PPARGC1A: variants seen among roughly 807,000 people sequenced by gnomAD.
PPARGC1A encodes the protein PPARG coactivator 1 alpha.
PPARGC1A carries 25 observed loss-of-function variants against 88.7 expected under a neutral mutation model. That is an observed-to-expected ratio of 0.28 (90% CI 0.21 to 0.39). The LOEUF is 0.39. Among genes scored for constraint, PPARGC1A ranks in the 10% least tolerant of loss-of-function variants. PPARGC1A has a pLI of 1.00. For missense variants in PPARGC1A, 880 were observed against 968.7 expected (o/e 0.91, Z 1.22); for synonymous variants, 363 against 355.6 (o/e 1.02, Z -0.24).
the PPARGC1A span, among the ~76,000 whole-genome samples, chr4:24,397,744 G>C: frequency 1.3e-5 from 2 of 152,204 alleles, no homozygotes; most frequent in African/African-American, 4.8e-5. Context: ...ACAGTAATTT[G>C]AAGTTTTACT....
intron 2 of PPARGC1A, among the ~76,000 whole-genome samples, chr4:23,868,419 G>A (rs2148751385): frequency 6.6e-6 from 1 of 152,244 alleles, no homozygotes; most frequent in East Asian, 1.9e-4. Context: ...TGAATGGCTG[G>A]GAAGGTCATG....
the PPARGC1A span, among the ~76,000 whole-genome samples, chr4:24,346,672 C>T: frequency 1.1e-4 from 17 of 151,950 alleles, no homozygotes; most frequent in Non-Finnish European, 2.2e-4. Flanking sequence ...TCTTCTTTTC[C>T]TGGTTAATCT....
At chr4:24,267,132 C>T in the PPARGC1A span, among the ~76,000 whole-genome samples, 11 of 152,198 alleles carry the variant, frequency 7.2e-5, no homozygotes, top group Admixed American at 3.9e-4. Flanking sequence ...GGATTATTCA[C>T]ATGCCATTTG....
At chr4:24,087,529 T>C in the PPARGC1A span, among the ~76,000 whole-genome samples, 211 of 152,296 alleles carry the variant, frequency 1.4e-3, no homozygotes, top group Non-Finnish European at 2.2e-3. Context: ...ATATCTTCAA[T>C]CTAACAACTG....
At chr4:24,289,419 TC>T in the PPARGC1A span, among the ~76,000 whole-genome samples, 1,673 of 152,248 alleles carry the variant, frequency 0.011, 36 homozygotes, top group African/African-American at 0.038. Context: ...TGGCCATCAA[TC>T]CTGCCTCCTC....
At chr4:24,039,131 T>C in the PPARGC1A span, among the ~76,000 whole-genome samples, 25 of 152,188 alleles carry the variant, frequency 1.6e-4, no homozygotes, top group African/African-American at 6.0e-4. Context: ...GTTCCCTCTA[T>C]AACTGTGAAT....
At chr4:24,314,809 A>G in the PPARGC1A span, among the ~76,000 whole-genome samples, 1 of 152,176 alleles carries the variant, frequency 6.6e-6, no homozygotes, top group African/African-American at 2.4e-5. Context: ...ACCAAGAGCT[A>G]TAATTAACTC....
At chr4:23,805,002 TA>T (rs1173450174) in intron 10 of PPARGC1A, among the ~76,000 whole-genome samples, 2 of 152,184 alleles carry the variant, frequency 1.3e-5, no homozygotes, top group African/African-American at 2.4e-5. Context: ...TTCATGACAG[TA>T]GAGACCATAT....
the PPARGC1A span, among the ~76,000 whole-genome samples, chr4:24,194,080 G>C: frequency 1.4e-5 from 2 of 146,492 alleles, no homozygotes; most frequent in African/African-American, 5.1e-5. Flanking sequence ...AGTGAGCCAA[G>C]ATCGTGCCAT....
chr4:23,999,901 G>C, the PPARGC1A span, among the ~76,000 whole-genome samples: 3 of 151,988 alleles, frequency 2.0e-5, no homozygotes, highest in African/African-American at 7.2e-5. Flanking sequence ...CAAGAACAAG[G>C]ATGATTATTC....
chr4:23,913,441 C>T, the PPARGC1A span, among the ~76,000 whole-genome samples: 2 of 151,624 alleles, frequency 1.3e-5, no homozygotes, highest in Non-Finnish European at 2.9e-5. Flanking sequence ...TGTTTCCAAC[C>T]ACACTCCCAC....
chr4:24,308,372 A>G, the PPARGC1A span, among the ~76,000 whole-genome samples: 1 of 151,990 alleles, frequency 6.6e-6, no homozygotes, highest in East Asian at 1.9e-4. Flanking sequence ...TCTTAGAGGT[A>G]CATTTGAATC....
chr4:24,206,019 T>C, the PPARGC1A span, among the ~76,000 whole-genome samples: 4 of 152,180 alleles, frequency 2.6e-5, no homozygotes. Context: ...TGAAGGCAAC[T>C]ATATCTCCAT....
the PPARGC1A span, among the ~76,000 whole-genome samples, chr4:24,389,054 G>A: frequency 5.9e-5 from 9 of 152,226 alleles, no homozygotes; most frequent in African/African-American, 1.9e-4. Flanking sequence ...AGTATGAAGT[G>A]TTATTGAAGT....
At chr4:24,249,305 A>G in the PPARGC1A span, among the ~76,000 whole-genome samples, 4 of 152,152 alleles carry the variant, frequency 2.6e-5, no homozygotes, top group Non-Finnish European at 5.9e-5. Context: ...ACAAGTAAAA[A>G]TCATAGAGTT....
At chr4:24,082,888 A>C in the PPARGC1A span, among the ~76,000 whole-genome samples, 1 of 152,186 alleles carries the variant, frequency 6.6e-6, no homozygotes, top group Non-Finnish European at 1.5e-5. Flanking sequence ...CATAAAAGGC[A>C]AAGATACCAC....
the PPARGC1A span, among the ~76,000 whole-genome samples, chr4:23,946,648 C>G: frequency 6.6e-6 from 1 of 152,080 alleles, no homozygotes; most frequent in Non-Finnish European, 1.5e-5. Context: ...GAAAGGAGGA[C>G]AGGAATAAAT....
intron 12 of PPARGC1A, among the ~76,000 whole-genome samples, chr4:23,799,923 CT>C (rs1014343314): frequency 1.3e-5 from 2 of 152,284 alleles, no homozygotes; most frequent in African/African-American, 4.8e-5. Flanking sequence ...TCCGTCTTGA[CT>C]GTTTTTATCA....
chr4:24,082,796 G>T, the PPARGC1A span, among the ~76,000 whole-genome samples: 1 of 152,020 alleles, frequency 6.6e-6, no homozygotes, highest in Non-Finnish European at 1.5e-5. Context: ...GTTGGAGGAG[G>T]GAAAAACCCA....
Sources: gnomAD v4.1 joint callset for allele counts (sites outside exome capture counted in the v4.1 genomes callset) on GRCh38, gnomAD v4.1.1 for gene constraint, MANE v1.5 for transcripts, NCBI Gene and HGNC (gene_info 2026-07-23, HGNC 2026-07-21) for gene names.